DAB1: variants seen among roughly 807,000 people sequenced by gnomAD.
The protein encoded by DAB1 is disabled homolog 1.
In DAB1, 15 loss-of-function variants were observed where a neutral mutation model predicts 64.6. The observed-to-expected ratio is 0.23, with a 90% CI of 0.16 to 0.36. DAB1 has a LOEUF of 0.36. Among genes scored for constraint, DAB1 ranks in the 10% least tolerant of loss-of-function variants. DAB1 has a pLI of 1.00. For missense variants in DAB1, 596 were observed against 706.7 expected, an observed-to-expected ratio of 0.84 and a Z score of 1.78; for synonymous variants, 235 against 251.9, an observed-to-expected ratio of 0.93 and a Z score of 0.64.
chr1:57,938,843 A>G (rs914430888), intron 5 of DAB1, among the ~76,000 whole-genome samples: 1 of 151,940 alleles, frequency 6.6e-6, no homozygotes, highest in Non-Finnish European at 1.5e-5. Flanking sequence ...AAGGGCTGCC[A>G]TCTGCCTCTT....
intron 2 of DAB1, among the ~76,000 whole-genome samples, chr1:57,282,469 C>A (rs992903036): frequency 1.3e-5 from 2 of 152,052 alleles, no homozygotes; most frequent in Admixed American, 1.3e-4. Context: ...AGGAAAAGAG[C>A]TATGTAGGTG....
chr1:57,276,165 G>A (rs1304718950), intron 2 of DAB1, among the ~76,000 whole-genome samples: 1 of 152,240 alleles, frequency 6.6e-6, no homozygotes, highest in Non-Finnish European at 1.5e-5. Flanking sequence ...TGTGCACACA[G>A]TAGTGTGCAG....
At chr1:57,149,342 C>A (rs140606480) in intron 2 of DAB1, among the ~76,000 whole-genome samples, 1 of 151,998 alleles carries the variant, frequency 6.6e-6, no homozygotes, top group Non-Finnish European at 1.5e-5. Flanking sequence ...AAAATTATTC[C>A]GAAGAAAGGA....
chr1:58,286,008 A>G (rs755358608), intron 4 of DAB1, among the ~76,000 whole-genome samples: 1 of 152,124 alleles, frequency 6.6e-6, no homozygotes, highest in Non-Finnish European at 1.5e-5. Context: ...CAAAAATAGG[A>G]CCAAACATCT....
chr1:57,909,030 T>C, intron 5 of DAB1, among the ~76,000 whole-genome samples: 1 of 152,146 alleles, frequency 6.6e-6, no homozygotes. Flanking sequence ...CAAGACATCA[T>C]CGAAGAGAGT....
intron 6 of DAB1, among the ~76,000 whole-genome samples, chr1:57,744,629 G>T (rs1029401410): frequency 1.3e-5 from 2 of 152,154 alleles, no homozygotes; most frequent in African/African-American, 4.8e-5. Flanking sequence ...TCTGGATTCC[G>T]ATGTCTTTTG....
At chr1:57,128,687 G>A (rs1284429887) in intron 4 of DAB1, among the ~76,000 whole-genome samples, 2 of 152,104 alleles carry the variant, frequency 1.3e-5, no homozygotes, top group Non-Finnish European at 2.9e-5. Flanking sequence ...GCAATTTGAG[G>A]CTCTGGATCT....
At chr1:58,236,104 C>CCCCCGCCCCA (rs1382139670) in intron 4 of DAB1, among the ~76,000 whole-genome samples, 1 of 149,366 alleles carries the variant, frequency 6.7e-6, no homozygotes, top group African/African-American at 2.5e-5. Context: ...CCTGCCCGCC[C>CCCCCGCCCCA]CCCCGCCCCA....
At chr1:58,048,789 A>G in intron 5 of DAB1, 1 of 1,149,764 alleles carries the variant, frequency 8.7e-7, no homozygotes, top group Non-Finnish European at 1.3e-6. Context: ...CATTCACAGT[A>G]TAGTATTTCT....
chr1:57,867,650 A>G (rs1654365956), intron 1 of DAB1, among the ~76,000 whole-genome samples: 1 of 152,122 alleles, frequency 6.6e-6, no homozygotes, highest in African/African-American at 2.4e-5. Context: ...CCTCTCCACA[A>G]TTAATCTGAA....
At chr1:57,511,519 T>C (rs995826372) in intron 7 of DAB1, among the ~76,000 whole-genome samples, 5 of 152,264 alleles carry the variant, frequency 3.3e-5, no homozygotes, top group Non-Finnish European at 7.3e-5. Flanking sequence ...ATTATTCTAT[T>C]TTATATCACA....
At chr1:58,049,073 A>G in intron 5 of DAB1, 1 of 788,118 alleles carries the variant, frequency 1.3e-6, no homozygotes. Context: ...GTGGCCTTGC[A>G]TTTGTGGCTG....
At chr1:57,039,980 C>A (rs1647527877) in intron 9 of DAB1, among the ~76,000 whole-genome samples, 1 of 152,108 alleles carries the variant, frequency 6.6e-6, no homozygotes, top group Non-Finnish European at 1.5e-5. Context: ...ATTAAATATA[C>A]ATGATTTACT....
At chr1:58,161,038 C>T (rs930179466) in intron 4 of DAB1, among the ~76,000 whole-genome samples, 1 of 152,138 alleles carries the variant, frequency 6.6e-6, no homozygotes, top group Non-Finnish European at 1.5e-5. Flanking sequence ...ACATAAGGGT[C>T]CATTGCCCAT....
intron 3 of DAB1, among the ~76,000 whole-genome samples, chr1:58,369,127 A>G (rs1644241851): frequency 6.6e-6 from 1 of 152,170 alleles, no homozygotes; most frequent in Non-Finnish European, 1.5e-5. Flanking sequence ...TGGCTCCTAG[A>G]ATTTTCTCAG....
chr1:57,620,924 T>C (rs991122365), intron 7 of DAB1, among the ~76,000 whole-genome samples: 2 of 152,138 alleles, frequency 1.3e-5, no homozygotes, highest in African/African-American at 2.4e-5. Flanking sequence ...ACAAGACAAT[T>C]TGCAGACTGG....
chr1:58,311,626 C>A (rs1015823325), intron 4 of DAB1, among the ~76,000 whole-genome samples: 33 of 152,150 alleles, frequency 2.2e-4, no homozygotes, highest in African/African-American at 7.7e-4. Flanking sequence ...CTGGGTGTGA[C>A]TTTTCAGAGG....
intron 3 of DAB1, among the ~76,000 whole-genome samples, chr1:58,439,646 C>T (rs189513993): frequency 2.0e-5 from 3 of 152,278 alleles, no homozygotes; most frequent in South Asian, 2.1e-4. Context: ...AGGTATCATG[C>T]CCATTTTACA....
At chr1:58,303,117 C>T (rs543232837) in intron 4 of DAB1, among the ~76,000 whole-genome samples, 7 of 152,270 alleles carry the variant, frequency 4.6e-5, no homozygotes, top group South Asian at 2.1e-4. Flanking sequence ...TGGCTCCCTC[C>T]TCCCAGGACT....
Sources: allele counts gnomAD v4.1 joint callset (sites outside exome capture counted in the v4.1 genomes callset), GRCh38; gene constraint gnomAD v4.1.1; transcripts MANE v1.5; gene names NCBI Gene and HGNC (gene_info 2026-07-23, HGNC 2026-07-21).